ZNF649: variants seen among roughly 807,000 people sequenced by gnomAD.
The protein encoded by ZNF649 is zinc finger protein 649.
A neutral mutation model predicts 14.1 loss-of-function variants in ZNF649; 7 were observed. The ratio of observed to expected loss-of-function variants is 0.49; its 90% CI spans 0.28 to 0.93. The LOEUF (loss-of-function observed/expected upper bound fraction) is 0.93, where lower values mean the gene tolerates loss of function less well. Among genes scored for constraint, ZNF649 ranks in the 40% least tolerant of loss-of-function variants. The pLI, the probability that ZNF649 is intolerant of heterozygous loss-of-function variation, is 0.10. For missense variants in ZNF649, 544 were observed against 608.1 expected (o/e 0.89, Z 1.11); for synonymous variants, 227 against 212.3 (o/e 1.07, Z -0.60).
chr19:51,902,386 A>G (rs1448392240), intron 1 of ZNF649, among the ~76,000 whole-genome samples: 3 of 152,170 alleles, frequency 2.0e-5, no homozygotes, highest in African/African-American at 7.2e-5. Context: ...GCAGGTTGTC[A>G]CCTGTACCTC....
chr19:51,894,655 C>T (rs1380213639), intron 4 of ZNF649, among the ~76,000 whole-genome samples: 2 of 151,992 alleles, frequency 1.3e-5, no homozygotes, highest in Middle Eastern at 3.2e-3. Context: ...TTTGTATAGC[C>T]CTGAATTGTA....
At chr19:51,901,478 G>A (rs548760337) in intron 1 of ZNF649, among the ~76,000 whole-genome samples, 1 of 151,988 alleles carries the variant, frequency 6.6e-6, no homozygotes, top group Non-Finnish European at 1.5e-5. Flanking sequence ...TGGCATTAAG[G>A]CCCTTATAAA....
Position 51,891,190 on chromosome 19 carries a change from T to C in ZNF649, c.946A>G (p.Lys316Glu). The change falls in exon 5 of 5, where the codon AAG becomes GAG. Residue 316 changes from lysine (K) to glutamate (E), a missense_variant. Lys to Glu is a moderately conservative substitution (Grantham distance 56). Coordinates refer to ENST00000354957, the MANE Select transcript of ZNF649 (RefSeq NM_023074.4). The surrounding 1 kb of genome is among the most constrained non-coding windows in gnomAD (Gnocchi z 4.2). ...CCACATTCACTGCATGTATGAGGCTTCTCTCCTGTATGAGTTCGCTGATGT... is the reference window on the plus strand; with the variant it reads ...CCACATTCACTGCATGTATGAGGCTCCTCTCCTGTATGAGTTCGCTGATGT... ...VVHQRTHTGE[K>E]PHTCSECGKG... is the part of the protein sequence containing the mutation. 6.2e-7 allele frequency: 1 copy of C among 1,614,272 alleles called. No homozygotes were observed. Among genetic ancestry groups the C allele is most frequent in the Non-Finnish European group, 8.5e-7 (1 of 1,180,050 alleles).
At position 51,890,340 on chromosome 19, in the gene ZNF649, C is replaced by T. The variant is rs1027581020; in HGVS notation, c.*278G>A. 18 of 355,920 alleles carry T rather than the reference C, an allele frequency of 5.1e-5. No individual in the cohort carries two copies. Among genetic ancestry groups the T allele is most frequent in the African/African-American group, 2.7e-4 (13 of 48,306 alleles). 22.0% of individuals were successfully genotyped at this position (355,920 alleles called of 1,614,324 possible). ...CTACAAAGAGAACAAAAGCTAACCCCTACCTTGGCCCCCGGAGTAAGAGAT... is the reference window on the plus strand; with the variant it reads ...CTACAAAGAGAACAAAAGCTAACCCTTACCTTGGCCCCCGGAGTAAGAGAT... On this transcript the variant is annotated 3_prime_UTR_variant, in exon 5 of 5. Coordinates refer to ENST00000354957, the MANE Select transcript of ZNF649 (RefSeq NM_023074.4).
At chr19:51,898,237 T>C (rs2085075256) in intron 2 of ZNF649, among the ~76,000 whole-genome samples, 1 of 152,076 alleles carries the variant, frequency 6.6e-6, no homozygotes, top group Non-Finnish European at 1.5e-5. Context: ...CTGAGGGTTA[T>C]CATCAGACTC....
At chr19:51,901,766 A>C (rs2085095918) in intron 1 of ZNF649, among the ~76,000 whole-genome samples, 1 of 152,128 alleles carries the variant, frequency 6.6e-6, no homozygotes, top group Non-Finnish European at 1.5e-5. Flanking sequence ...AACATGGTGA[A>C]ACCCCATCTC....
chr19:51,900,836 G>C (rs886444109), intron 1 of ZNF649, among the ~76,000 whole-genome samples: 8 of 152,144 alleles, frequency 5.3e-5, no homozygotes, highest in African/African-American at 1.9e-4. Flanking sequence ...TTAGAAAAGG[G>C]GAGACAGGTG....
Position 51,899,353 on chromosome 19 carries a change from C to G in ZNF649, c.15+740G>C, listed in dbSNP as rs575174379. Among the ~76,000 whole-genome samples the G allele has an allele frequency of 8.5e-5, 13 of 152,316 alleles. No individual in the cohort carries two copies. The South Asian group carries it at 2.7e-3, about 32-fold the overall frequency. On this transcript the variant is annotated intron_variant, in intron 2 of 4. Coordinates refer to ENST00000354957, the MANE Select transcript of ZNF649 (RefSeq NM_023074.4). ...CTAAAGCAAACCCTGTGGATCTCAA[C>G]AACCCAAGCCATTGCCAAAGAGAAC...
At chr19:51,893,596 ACATG>A (rs1330504601) in intron 4 of ZNF649, among the ~76,000 whole-genome samples, 4 of 152,218 alleles carry the variant, frequency 2.6e-5, no homozygotes, top group African/African-American at 9.6e-5. Context: ...GACTTTCAGA[ACATG>A]CAAGCAGAAC....
chr19:51,896,271 G>T, intron 4 of ZNF649: 2 of 449,112 alleles, frequency 4.5e-6, no homozygotes, highest in Non-Finnish European at 4.0e-6. Context: ...AATGAATAGG[G>T]ATCAGTTCCA....
chr19:51,893,801 C>A (rs1056003977), intron 4 of ZNF649, among the ~76,000 whole-genome samples: 1 of 152,202 alleles, frequency 6.6e-6, no homozygotes. Context: ...CTGTTGGCAT[C>A]GGTGAATGGA....
At chr19:51,900,031 T>G in intron 2 of ZNF649, 62 bp downstream of exon 2, 4 of 1,413,450 alleles carry the variant, frequency 2.8e-6, no homozygotes, top group South Asian at 1.8e-5. Flanking sequence ...TGAACTGATT[T>G]CTTCAGACTT....
In ZNF649 at chr19:51,891,563, A is replaced by T. The variant is rs774467815; in HGVS notation, c.573T>A (p.Ser191=). 3.7e-6 allele frequency: 6 copies of T among 1,614,012 alleles called. No homozygotes were observed. In the African/African-American group the frequency reaches 8.0e-5, roughly 22 times the overall value. ...GAATTCTCTTATGCTCAGTGAGCTGAGACTTCTTGAGGAAAGCTTTCCCAC... is the reference window on the plus strand; with the variant it reads ...GAATTCTCTTATGCTCAGTGAGCTGTGACTTCTTGAGGAAAGCTTTCCCAC... ...TDCGKAFLKK[S]QLTEHKRIHT... The change falls in exon 5 of 5, where the codon TCT becomes TCA. Residue 191 remains serine (S), a synonymous_variant. Transcript: ENST00000354957. This position sits in a 1 kb window ranked among gnomAD's most constrained non-coding sequence, Gnocchi z 4.2.
chr19:51,900,811 A>C (rs557689204), intron 1 of ZNF649, among the ~76,000 whole-genome samples: 1 of 152,272 alleles, frequency 6.6e-6, no homozygotes, highest in African/African-American at 2.4e-5. Flanking sequence ...CAAGCCAAGG[A>C]CACCTGAGAG....
In ZNF649 at chr19:51,890,350, C is replaced by T. The variant is rs1599884313; in HGVS notation, c.*268G>A. The T allele has an allele frequency of 1.6e-5, 6 of 374,052 alleles. No homozygotes were observed. Among genetic ancestry groups the T allele is most frequent in the Middle Eastern group, 7.7e-4 (1 of 1,304 alleles). The allele number at this position is 374,052 out of a possible 1,614,324, so 23.2% of individuals were successfully genotyped here. Reference sequence around the variant, plus strand: ...AACAAAAGCTAACCCCTACCTTGGCCCCCGGAGTAAGAGATATCATTCTGA... The same window carrying T: ...AACAAAAGCTAACCCCTACCTTGGCTCCCGGAGTAAGAGATATCATTCTGA... On this transcript the variant is annotated 3_prime_UTR_variant, in exon 5 of 5. Coordinates refer to ENST00000354957, the MANE Select transcript of ZNF649 (RefSeq NM_023074.4).
intron 2 of ZNF649, among the ~76,000 whole-genome samples, chr19:51,898,180 A>T (rs1454795108): frequency 1.3e-5 from 2 of 151,550 alleles, no homozygotes; most frequent in Non-Finnish European, 2.9e-5. Flanking sequence ...ACTTTCTCTG[A>T]TGCCAACTGG....
intron 4 of ZNF649, chr19:51,896,078 A>C (rs2122764730): frequency 5.5e-6 from 1 of 181,272 alleles, no homozygotes; most frequent in South Asian, 1.0e-4. Flanking sequence ...GTGAGAAAAC[A>C]ACCCCTATAT....
intron 2 of ZNF649, chr19:51,897,355 A>G (rs1191480676): frequency 5.4e-6 from 1 of 186,806 alleles, no homozygotes; most frequent in Non-Finnish European, 1.1e-5. Context: ...ATATTTTATA[A>G]TAACCATGCA....
At chr19:51,900,526 C>T (rs763969600) in intron 1 of ZNF649, 4 of 168,602 alleles carry the variant, frequency 2.4e-5, no homozygotes, top group Non-Finnish European at 5.0e-5. Context: ...CTTTCCAATG[C>T]TTCAAAGGAG....
Sources: gnomAD v4.1 joint callset for allele counts (sites outside exome capture counted in the v4.1 genomes callset) on GRCh38, gnomAD v4.1.1 for gene constraint, Gnocchi (gnomAD v3.1) non-coding constraint, MANE v1.5 for transcripts, NCBI Gene and HGNC (gene_info 2026-07-23, HGNC 2026-07-21) for gene names.